The following STPG2 variants were observed in gnomAD, a reference collection of about 807,000 sequenced individuals.
STPG2 encodes the protein sperm-tail PG-rich repeat-containing protein 2.
In STPG2, 56 loss-of-function variants were observed where a neutral mutation model predicts 54.2. That is an observed-to-expected ratio of 1.03 (90% CI 0.83 to 1.29). The LOEUF (loss-of-function observed/expected upper bound fraction) is 1.29, where lower values mean the gene tolerates loss of function less well. Among genes scored for constraint, STPG2 ranks in the 50% most tolerant of loss-of-function variants. The pLI, the probability that STPG2 is intolerant of heterozygous loss-of-function variation, is 0.00. For synonymous variants in STPG2, 200 were observed against 181.8 expected (o/e 1.10, Z -0.81); for missense variants, 596 against 544.9 (o/e 1.09, Z -0.93).
intron 9 of STPG2, among the ~76,000 whole-genome samples, chr4:97,759,586 T>C (rs1322214382): frequency 6.6e-6 from 1 of 152,130 alleles, no homozygotes; most frequent in Non-Finnish European, 1.5e-5. Flanking sequence ...AGTAAGGGGT[T>C]GGATGTTTCA....
At chr4:98,114,910 A>G (rs1282242863) in intron 3 of STPG2, among the ~76,000 whole-genome samples, 2 of 150,628 alleles carry the variant, frequency 1.3e-5, no homozygotes, top group African/African-American at 4.9e-5. Context: ...AAAAATACAG[A>G]CAGAAAACAA....
chr4:97,469,564 C>T (rs1232130180), intron 4 of STPG2, among the ~76,000 whole-genome samples: 1 of 151,928 alleles, frequency 6.6e-6, no homozygotes, highest in Non-Finnish European at 1.5e-5. Context: ...TCTGGACATT[C>T]TGAGTATAAT....
At chr4:97,940,767 T>C (rs1732946607) in intron 8 of STPG2, among the ~76,000 whole-genome samples, 1 of 152,200 alleles carries the variant, frequency 6.6e-6, no homozygotes, top group African/African-American at 2.4e-5. Context: ...TATTATTCCC[T>C]ACAGAGCCAA....
chr4:97,676,134 G>T (rs1405499444), intron 10 of STPG2, among the ~76,000 whole-genome samples: 1 of 145,638 alleles, frequency 6.9e-6, no homozygotes, highest in East Asian at 2.0e-4. Flanking sequence ...ATATTTTTTT[G>T]CTTAGCTCTA....
At chr4:97,589,834 C>A (rs1017437013) in intron 10 of STPG2, among the ~76,000 whole-genome samples, 4 of 152,136 alleles carry the variant, frequency 2.6e-5, no homozygotes, top group Admixed American at 2.6e-4. Flanking sequence ...TATTTAGACA[C>A]ACAAACACTT....
At chr4:97,611,133 G>A (rs935286512) in intron 10 of STPG2, among the ~76,000 whole-genome samples, 2 of 151,832 alleles carry the variant, frequency 1.3e-5, no homozygotes, top group East Asian at 1.9e-4. Context: ...AATTTCAAAC[G>A]TGTGTTTTTA....
intron 8 of STPG2, among the ~76,000 whole-genome samples, chr4:97,913,499 A>G (rs1285801021): frequency 6.6e-6 from 1 of 152,202 alleles, no homozygotes; most frequent in African/African-American, 2.4e-5. Context: ...TAAATAACTT[A>G]TTGGGTTCCT....
At chr4:97,855,823 A>G (rs1029890781) in intron 8 of STPG2, among the ~76,000 whole-genome samples, 1 of 152,144 alleles carries the variant, frequency 6.6e-6, no homozygotes, top group Non-Finnish European at 1.5e-5. Flanking sequence ...TCTTTAATCC[A>G]TCTTCCATTA....
intron 8 of STPG2, among the ~76,000 whole-genome samples, chr4:97,880,157 A>G (rs184650453): frequency 1.3e-5 from 2 of 152,330 alleles, no homozygotes; most frequent in African/African-American, 4.8e-5. Context: ...TATAACACAG[A>G]TGGAACTGGA....
intron 8 of STPG2, among the ~76,000 whole-genome samples, chr4:97,912,959 T>A (rs1731737689): frequency 2.0e-5 from 3 of 152,236 alleles, no homozygotes; most frequent in Non-Finnish European, 4.4e-5. Context: ...AGAGATACCT[T>A]TATGATAAAG....
chr4:97,932,792 G>A (rs1293656002), intron 8 of STPG2, among the ~76,000 whole-genome samples: 2 of 152,134 alleles, frequency 1.3e-5, no homozygotes, highest in Non-Finnish European at 2.9e-5. Flanking sequence ...TTGATTCCAT[G>A]TCTTTGCTAT....
At chr4:97,640,835 T>C (rs2148945158) in intron 10 of STPG2, among the ~76,000 whole-genome samples, 1 of 151,616 alleles carries the variant, frequency 6.6e-6, no homozygotes, top group African/African-American at 2.4e-5. Flanking sequence ...TAGTAAAATT[T>C]AGATACAGAT....
chr4:97,604,866 T>C (rs183609270), intron 10 of STPG2, among the ~76,000 whole-genome samples: 1 of 151,890 alleles, frequency 6.6e-6, no homozygotes, highest in East Asian at 1.9e-4. Flanking sequence ...AAAGGCAAGA[T>C]AATCTGTCTA....
intron 8 of STPG2, among the ~76,000 whole-genome samples, chr4:97,926,936 G>A (rs1732351588): frequency 1.3e-5 from 2 of 151,978 alleles, no homozygotes. Flanking sequence ...TGAAATAAAT[G>A]TTGTACGTAA....
intron 5 of STPG2, among the ~76,000 whole-genome samples, chr4:98,055,116 C>G (rs2149316470): frequency 6.6e-6 from 1 of 152,196 alleles, no homozygotes; most frequent in East Asian, 1.9e-4. Context: ...AGACCTGAAA[C>G]AGCCAATGGG....
chr4:97,599,674 A>G (rs992335331), intron 10 of STPG2, among the ~76,000 whole-genome samples: 1 of 151,950 alleles, frequency 6.6e-6, no homozygotes, highest in African/African-American at 2.4e-5. Flanking sequence ...AATACAAAAA[A>G]TTACCAGGGC....
intron 4 of STPG2, among the ~76,000 whole-genome samples, chr4:97,456,528 G>A (rs1045923120): frequency 6.6e-6 from 1 of 152,078 alleles, no homozygotes; most frequent in Non-Finnish European, 1.5e-5. Flanking sequence ...TAGGAACACA[G>A]AGCCAAACCA....
At chr4:97,773,865 G>A (rs1726291427) in intron 9 of STPG2, among the ~76,000 whole-genome samples, 1 of 151,972 alleles carries the variant, frequency 6.6e-6, no homozygotes, top group Non-Finnish European at 1.5e-5. Context: ...AAAAATATCA[G>A]AAAGCTTGGC....
chr4:98,096,171 G>A (rs1738851813), intron 5 of STPG2, among the ~76,000 whole-genome samples: 1 of 152,180 alleles, frequency 6.6e-6, no homozygotes, highest in South Asian at 2.1e-4. Flanking sequence ...AAGGCAGGAG[G>A]ATTGCTTGAA....
Sources: allele counts gnomAD v4.1 joint callset (sites outside exome capture counted in the v4.1 genomes callset), GRCh38; gene constraint gnomAD v4.1.1; transcripts MANE v1.5; gene names NCBI Gene and HGNC (gene_info 2026-07-23, HGNC 2026-07-21).